Variants in ARHGAP21 observed in about 807,000 individuals in gnomAD.
The protein encoded by ARHGAP21 is rho GTPase-activating protein 21.
ARHGAP21 carries 38 observed loss-of-function variants against 164.6 expected under a neutral mutation model. That is an observed-to-expected ratio of 0.23 (90% confidence interval 0.18 to 0.30). The LOEUF is 0.30. Ranked by LOEUF, ARHGAP21 falls within the 10% of genes least tolerant of loss-of-function variation. The probability of loss-of-function intolerance (pLI) is 1.00; values close to 1 mark genes in which losing one functional copy is unlikely to be tolerated. For synonymous variants in ARHGAP21, 766 were observed against 857.9 expected (o/e 0.89, Z 1.87); for missense variants, 1,822 against 2,370.7 (o/e 0.77, Z 4.81).
At chr10:24,696,945 G>A (rs536579537) in intron 2 of ARHGAP21, among the ~76,000 whole-genome samples, 1 of 152,342 alleles carries the variant, frequency 6.6e-6, no homozygotes, top group South Asian at 2.1e-4. Flanking sequence ...TATTGCTATA[G>A]GTCTGGGCTT....
At chr10:24,619,257 TTTTG>T (rs1834297160) in intron 9 of ARHGAP21, among the ~76,000 whole-genome samples, 1 of 114,870 alleles carries the variant, frequency 8.7e-6, no homozygotes, top group Non-Finnish European at 2.0e-5. Context: ...TACATGAAGT[TTTTG>T]TTTTTTTTTT....
chr10:24,598,224 T>C (rs777715420), intron 14 of ARHGAP21, among the ~76,000 whole-genome samples: 29 of 152,206 alleles, frequency 1.9e-4, no homozygotes, highest in Non-Finnish European at 4.1e-4. Flanking sequence ...GCTTCTTTTC[T>C]GTATCCATGC....
chr10:24,694,190 C>T (rs1842962402), intron 2 of ARHGAP21, among the ~76,000 whole-genome samples: 1 of 152,194 alleles, frequency 6.6e-6, no homozygotes, highest in Non-Finnish European at 1.5e-5. Context: ...CCTAGGCCCA[C>T]AATCATCAAA....
chr10:24,678,906 T>C (rs1007147599), intron 2 of ARHGAP21, among the ~76,000 whole-genome samples: 5 of 152,234 alleles, frequency 3.3e-5, no homozygotes, highest in African/African-American at 1.2e-4. Context: ...AATAATTCTC[T>C]GGACATTCAC....
chr10:24,625,299 G>GAAA (rs34935501), intron 7 of ARHGAP21, among the ~76,000 whole-genome samples: 1 of 53,788 alleles, frequency 1.9e-5, no homozygotes, highest in Non-Finnish European at 3.4e-5. Context: ...ATGAAACAGA[G>GAAA]AAAAAAAAAA....
At chr10:24,699,563 G>A (rs1285314692) in intron 2 of ARHGAP21, among the ~76,000 whole-genome samples, 1 of 152,144 alleles carries the variant, frequency 6.6e-6, no homozygotes, top group African/African-American at 2.4e-5. Context: ...GACCTCAGGT[G>A]ATCGGCTCAC....
rs1173696760 is a variant in ARHGAP21, at chr10:24,619,524, C to T, written c.2371G>A (p.Ala791Thr). Residue 791 changes from alanine to threonine, a missense_variant, in exon 9 of 26, where the codon GCC becomes ACC. Ala to Thr is a moderately conservative substitution (Grantham distance 58). Around this residue, in one of 5 missense-constraint regions of ARHGAP21, gnomAD observed 1,090 missense variants for 1,378.9 expected, o/e 0.79. Coordinates refer to ENST00000396432, the MANE Select transcript of ARHGAP21 (RefSeq NM_020824.4). Reference sequence around the variant, plus strand: ...TCGCCAGGCGGACTGGTACTCGAGGCTTTTCTTTCCTCCATTCTTTTTATG... The same window carrying T: ...TCGCCAGGCGGACTGGTACTCGAGGTTTTTCTTTCCTCCATTCTTTTTATG... Reference protein sequence around the residue: ...VHIKRMEERKASSTSPPGDSL... With the variant: ...VHIKRMEERKTSSTSPPGDSL... 1 of 1,613,992 alleles carries T rather than the reference C, an allele frequency of 6.2e-7. No individual in the cohort carries two copies. The highest frequency in any genetic ancestry group is 1.1e-5 in the South Asian group (1 of 91,086).
chr10:24,644,852 CAT>C (rs1837403685), intron 4 of ARHGAP21, among the ~76,000 whole-genome samples: 1 of 152,190 alleles, frequency 6.6e-6, no homozygotes, highest in Non-Finnish European at 1.5e-5. Flanking sequence ...TTAATTATAA[CAT>C]ATAAAATGAC....
At chr10:24,651,834 A>AACAAT (rs1838198827) in intron 4 of ARHGAP21, among the ~76,000 whole-genome samples, 1 of 152,252 alleles carries the variant, frequency 6.6e-6, no homozygotes, top group Non-Finnish European at 1.5e-5. Context: ...CAGTATTATA[A>AACAAT]ACAATATAAA....
intron 2 of ARHGAP21, among the ~76,000 whole-genome samples, chr10:24,706,016 T>G (rs1053087443): frequency 6.6e-6 from 1 of 152,230 alleles, no homozygotes; most frequent in Non-Finnish European, 1.5e-5. Flanking sequence ...ATAACCATTT[T>G]CTAAACAGAC....
In ARHGAP21 at chr10:24,678,955, T is replaced by C. The variant is rs188368549; in HGVS notation, c.64-8558A>G. On this transcript the variant is annotated intron_variant, in intron 2 of 25. Transcript: ENST00000396432. ...TGTATCTATAGTTCATTCCTTTTCA[T>C]TGCTGAGTTGTATTCCATGGAATGG... Among the ~76,000 whole-genome samples the C allele has an allele frequency of 2.2e-3, 331 of 152,352 alleles. 1 individual carries two copies. Among genetic ancestry groups the C allele is most frequent in the African/African-American group, 7.7e-3 (319 of 41,588 alleles).
At chr10:24,623,639 C>T (rs1421378048) in intron 7 of ARHGAP21, among the ~76,000 whole-genome samples, 1 of 152,142 alleles carries the variant, frequency 6.6e-6, no homozygotes, top group East Asian at 1.9e-4. Flanking sequence ...ACTGTACTGT[C>T]TGGTACAGCA....
chr10:24,612,748 G>C (rs990502571), intron 9 of ARHGAP21, among the ~76,000 whole-genome samples: 1 of 152,064 alleles, frequency 6.6e-6, no homozygotes, highest in Non-Finnish European at 1.5e-5. Flanking sequence ...CCAGCTACTC[G>C]GGAGGCTGAG....
chr10:24,621,279 A>G lies in ARHGAP21; in HGVS notation c.616T>C (p.Trp206Arg), dbSNP rs763690215. ...ATGGCTGATGGGGCAGATGGCAGCC[A>G]GGGATAGCAGATTGGTGGAGGTTCA... ...IPEPPPICYP[W>R]LPSAPSAMAQ... Residue 206 changes from tryptophan to arginine, a missense_variant, in exon 9 of 26, where the codon TGG (tryptophan) becomes CGG (arginine). Physicochemically the swap from Trp to Arg is moderately radical, Grantham distance 101. Around this residue, in one of 5 missense-constraint regions of ARHGAP21, gnomAD observed 1,090 missense variants for 1,378.9 expected, o/e 0.79. Transcript: ENST00000396432. 2 of 1,613,852 alleles carry G rather than the reference A, an allele frequency of 1.2e-6. No individual in the cohort carries two copies. Among genetic ancestry groups the G allele is most frequent in the Non-Finnish European group, 1.7e-6 (2 of 1,179,826 alleles).
rs71491199 is a variant in ARHGAP21 at position 24,656,340 on chromosome 10, G to A, written c.268+10645C>T. Among the ~76,000 whole-genome samples, 46 of 98,184 alleles carry A rather than the reference G, an allele frequency of 4.7e-4. 1 individual carries two copies. The highest frequency in any genetic ancestry group is 1.5e-4 in the Non-Finnish European group (7 of 47,634). The allele number at this position is 98,184 out of a possible 152,430, so 64.4% of individuals were successfully genotyped here. ...CAGCCACCCCGTCCGGGAGGGAGAT[G>A]GGGGGGTCAGCCCCCCCACCCGGCC... On this transcript the variant is annotated intron_variant, in intron 4 of 25. Coordinates refer to ENST00000396432, the MANE Select transcript of ARHGAP21 (RefSeq NM_020824.4).
intron 7 of ARHGAP21, chr10:24,628,908 C>CATATATACAT (rs1316588048): frequency 1.4e-5 from 1 of 70,900 alleles, no homozygotes; most frequent in Non-Finnish European, 2.7e-5. Flanking sequence ...CATATATACA[C>CATATATACAT]ATATATACAC....
At chr10:24,705,027 G>A (rs969545129) in intron 2 of ARHGAP21, among the ~76,000 whole-genome samples, 3 of 152,048 alleles carry the variant, frequency 2.0e-5, no homozygotes, top group Non-Finnish European at 2.9e-5. Context: ...TTTTGATATC[G>A]CTGGCTTACT....
At chr10:24,651,547 G>A (rs1209695751) in intron 4 of ARHGAP21, among the ~76,000 whole-genome samples, 1 of 152,186 alleles carries the variant, frequency 6.6e-6, no homozygotes, top group Non-Finnish European at 1.5e-5. Context: ...TTAGGTGAAG[G>A]CAATCCTTGA....
chr10:24,718,554 G>C (rs972648203), intron 2 of ARHGAP21, among the ~76,000 whole-genome samples: 7 of 152,266 alleles, frequency 4.6e-5, no homozygotes, highest in East Asian at 1.9e-4. Flanking sequence ...GAAAGGAGGG[G>C]AGGAGAAGAG....
Sources: gnomAD v4.1 joint callset for allele counts (sites outside exome capture counted in the v4.1 genomes callset) on GRCh38, gnomAD v4.1.1 for gene constraint, gnomAD v4.1.1 regional missense constraint, MANE v1.5 for transcripts, NCBI Gene and HGNC (gene_info 2026-07-23, HGNC 2026-07-21) for gene names.